The following STAG1 variants were observed in gnomAD, a reference collection of about 807,000 sequenced individuals.
STAG1 encodes the protein cohesin subunit SA-1.
A neutral mutation model predicts 170.9 loss-of-function variants in STAG1; 26 were observed. That is an observed-to-expected ratio of 0.15 (90% confidence interval 0.11 to 0.21). The LOEUF (loss-of-function observed/expected upper bound fraction) is 0.21. Among genes scored for constraint, STAG1 ranks in the 10% least tolerant of loss-of-function variants. STAG1 has a pLI of 1.00. For synonymous variants in STAG1, 514 were observed against 497.7 expected (o/e 1.03, Z -0.44); for missense variants, 964 against 1,509.5 (o/e 0.64, Z 5.99).
intron 21 of STAG1, among the ~76,000 whole-genome samples, chr3:136,404,192 C>A (rs1463420943): frequency 6.6e-6 from 1 of 152,122 alleles, no homozygotes; most frequent in Non-Finnish European, 1.5e-5. Context: ...CTGTTGCAAC[C>A]TTGAGTACCA....
chr3:136,497,915 G>A (rs572004017), intron 9 of STAG1, among the ~76,000 whole-genome samples: 105 of 149,956 alleles, frequency 7.0e-4, no homozygotes, highest in African/African-American at 2.5e-3. Flanking sequence ...CAGCTAGGCC[G>A]GGCCTGGTGG....
At chr3:136,367,606 T>C (rs1383375416) in intron 24 of STAG1, among the ~76,000 whole-genome samples, 2 of 152,170 alleles carry the variant, frequency 1.3e-5, no homozygotes, top group Non-Finnish European at 2.9e-5. Context: ...TATGTGTTAA[T>C]ACATTCTCAC....
At chr3:136,749,296 TC>T (rs1247568349) in intron 1 of STAG1, among the ~76,000 whole-genome samples, 2 of 152,124 alleles carry the variant, frequency 1.3e-5, no homozygotes, top group African/African-American at 2.4e-5. Context: ...GGAGACTGAC[TC>T]CTGCTAGCAT....
intron 7 of STAG1, among the ~76,000 whole-genome samples, chr3:136,520,626 CATG>C (rs771344836): frequency 9.7e-4 from 147 of 152,152 alleles, no homozygotes; most frequent in Non-Finnish European, 1.3e-3. Flanking sequence ...GACAAGTTGT[CATG>C]ATAATTCTAA....
chr3:136,463,214 T>C (rs1280491676), intron 13 of STAG1, among the ~76,000 whole-genome samples: 1 of 152,210 alleles, frequency 6.6e-6, no homozygotes. Flanking sequence ...TTCATTTCCT[T>C]TGCCAGCATG....
intron 22 of STAG1, among the ~76,000 whole-genome samples, chr3:136,379,342 T>G (rs1032407688): frequency 1.3e-5 from 2 of 152,112 alleles, no homozygotes; most frequent in Non-Finnish European, 2.9e-5. Flanking sequence ...AGATAACATG[T>G]AAGCTGAGTC....
chr3:136,736,627 T>C, intron 1 of STAG1: 1 of 1,602,470 alleles, frequency 6.2e-7, no homozygotes, highest in Non-Finnish European at 8.5e-7. Context: ...TCAAAGTTTT[T>C]CTGCCACTCT....
chr3:136,478,114 G>A (rs773427929), intron 9 of STAG1, among the ~76,000 whole-genome samples: 17 of 152,062 alleles, frequency 1.1e-4, no homozygotes, highest in Non-Finnish European at 1.9e-4. Flanking sequence ...TTATAAGCTA[G>A]CACACATGTA....
rs539573694 is a variant in STAG1 at position 136,352,137 on chromosome 3, A to G, written c.3066-2774T>C. On this transcript the variant is annotated intron_variant, in intron 28 of 33. Transcript: ENST00000383202. ...TAGCTATATTATTATTTCAAAAGAT[A>G]TCATTTTTGCAATATTTGTTCTTTT... Among the ~76,000 whole-genome samples, 4 of 152,230 alleles carry G rather than the reference A, an allele frequency of 2.6e-5. No homozygotes were observed. In the South Asian group the frequency reaches 8.3e-4, roughly 32 times the overall value.
chr3:136,691,967 A>C (rs758168844), intron 1 of STAG1, among the ~76,000 whole-genome samples: 8 of 152,192 alleles, frequency 5.3e-5, no homozygotes, highest in Non-Finnish European at 1.2e-4. Context: ...TCCCCAGTGA[A>C]GCAAATAGTT....
At chr3:136,606,144 A>T (rs1205127459) in intron 3 of STAG1, among the ~76,000 whole-genome samples, 1 of 152,014 alleles carries the variant, frequency 6.6e-6, no homozygotes, top group Non-Finnish European at 1.5e-5. Context: ...TACATTTGTT[A>T]CAATAAACCA....
chr3:136,718,548 GCTAT>G (rs1266507014), intron 1 of STAG1, among the ~76,000 whole-genome samples: 8 of 152,256 alleles, frequency 5.3e-5, no homozygotes, highest in African/African-American at 7.2e-5. Context: ...ATCCTGTGAT[GCTAT>G]CTATGATTCT....
At chr3:136,583,503 A>T (rs1482315753) in intron 4 of STAG1, among the ~76,000 whole-genome samples, 4 of 152,146 alleles carry the variant, frequency 2.6e-5, no homozygotes, top group Non-Finnish European at 5.9e-5. Flanking sequence ...ATGAAGCCTA[A>T]TAAGGGCCGG....
chr3:136,645,156 A>G (rs1559927738), intron 1 of STAG1, among the ~76,000 whole-genome samples: 1 of 152,210 alleles, frequency 6.6e-6, no homozygotes, highest in Non-Finnish European at 1.5e-5. Context: ...TTTAAGTCCC[A>G]AAACACTTAA....
At chr3:136,393,590 CTTT>C (rs774648941) in intron 22 of STAG1, among the ~76,000 whole-genome samples, 3 of 130,128 alleles carry the variant, frequency 2.3e-5, no homozygotes, top group Admixed American at 1.6e-4. Context: ...TACGCTTCAT[CTTT>C]TTTTTTTTTT....
chr3:136,720,442 T>C (rs1364010682), intron 1 of STAG1, among the ~76,000 whole-genome samples: 1 of 152,170 alleles, frequency 6.6e-6, no homozygotes, highest in Non-Finnish European at 1.5e-5. Flanking sequence ...AGATCTGCTA[T>C]AGTGAAGACA....
chr3:136,459,400 G>A (rs185674938), intron 13 of STAG1, among the ~76,000 whole-genome samples: 177 of 152,194 alleles, frequency 1.2e-3, no homozygotes, highest in African/African-American at 2.5e-3. Context: ...TAACTGCAAT[G>A]TAATAGGAGT....
At chr3:136,473,300 T>C (rs2089670328) in intron 11 of STAG1, among the ~76,000 whole-genome samples, 1 of 152,070 alleles carries the variant, frequency 6.6e-6, no homozygotes, top group African/African-American at 2.4e-5. Context: ...ACAACAGAAA[T>C]AAAGTGCCCA....
intron 3 of STAG1, 138 bp downstream of exon 3, chr3:136,623,008 A>T: frequency 1.5e-6 from 1 of 661,808 alleles, no homozygotes; most frequent in South Asian, 2.1e-5. Context: ...AATTTATGTG[A>T]AAAAAAGTTT....
Sources: gnomAD v4.1 joint callset for allele counts (sites outside exome capture counted in the v4.1 genomes callset) on GRCh38, gnomAD v4.1.1 for gene constraint, MANE v1.5 for transcripts, NCBI Gene and HGNC (gene_info 2026-07-23, HGNC 2026-07-21) for gene names.